Variants in ZNF79 observed in about 807,000 individuals in gnomAD.
ZNF79 encodes ZNFpT7.
In ZNF79, 13 loss-of-function variants were observed where a neutral mutation model predicts 14.9. That is an observed-to-expected ratio of 0.87 (90% CI 0.57 to 1.38). The LOEUF is 1.38. Among genes scored for constraint, ZNF79 ranks in the 40% most tolerant of loss-of-function variants. The probability of loss-of-function intolerance (pLI) is 0.00; values close to 1 mark genes in which losing one functional copy is unlikely to be tolerated. For synonymous variants in ZNF79, 223 were observed against 235.1 expected, an observed-to-expected ratio of 0.95 and a Z score of 0.47; for missense variants, 631 against 630.6, an observed-to-expected ratio of 1.00 and a Z score of -0.01.
At chr9:127,441,674 G>A (rs920373013) in intron 4 of ZNF79, among the ~76,000 whole-genome samples, 14 of 148,830 alleles carry the variant, frequency 9.4e-5, no homozygotes, top group Non-Finnish European at 1.6e-4. Context: ...GGCTGGGTGC[G>A]GTGGCTCATG....
chr9:127,432,866 G>A (rs1833885288), intron 2 of ZNF79, among the ~76,000 whole-genome samples: 1 of 151,974 alleles, frequency 6.6e-6, no homozygotes, highest in African/African-American at 2.4e-5. Flanking sequence ...TTGTTATTTG[G>A]TTCATGACAT....
chr9:127,436,912 AGCTGG>A (rs1833957800), intron 4 of ZNF79, among the ~76,000 whole-genome samples: 1 of 152,126 alleles, frequency 6.6e-6, no homozygotes, highest in Admixed American at 6.6e-5. Flanking sequence ...CAAAAAAATC[AGCTGG>A]GCGTGGTGGC....
At chr9:127,437,262 G>A (rs983590585) in intron 4 of ZNF79, among the ~76,000 whole-genome samples, 6 of 151,778 alleles carry the variant, frequency 4.0e-5, no homozygotes, top group African/African-American at 1.5e-4. Context: ...CTCATGGTGT[G>A]CCTGGCACTA....
chr9:127,432,276 T>C (rs1182479835), intron 2 of ZNF79, among the ~76,000 whole-genome samples: 1 of 151,218 alleles, frequency 6.6e-6, no homozygotes, highest in Non-Finnish European at 1.5e-5. Context: ...GCCTCCCGAG[T>C]AGCTGGGAAT....
chr9:127,429,762 G>A (rs1833826995), intron 2 of ZNF79, among the ~76,000 whole-genome samples: 1 of 151,610 alleles, frequency 6.6e-6, no homozygotes. Context: ...CCCACAAAAA[G>A]ATGGCACCTA....
chr9:127,431,271 T>G (rs1367255317), intron 2 of ZNF79, among the ~76,000 whole-genome samples: 1 of 151,590 alleles, frequency 6.6e-6, no homozygotes, highest in Non-Finnish European at 1.5e-5. Context: ...TTTTTTTTTT[T>G]TTAGAGACAG....
At chr9:127,428,024 AG>A in intron 1 of ZNF79, among the ~76,000 whole-genome samples, 1 of 152,086 alleles carries the variant, frequency 6.6e-6, no homozygotes, top group South Asian at 2.1e-4. Context: ...TCTGTCAACC[AG>A]GCTGCAGTGT....
At chr9:127,434,535 T>A (rs1352867152) in intron 2 of ZNF79, among the ~76,000 whole-genome samples, 1 of 152,176 alleles carries the variant, frequency 6.6e-6, no homozygotes. Context: ...CACGCTCTAT[T>A]TATACATAAA....
Position 127,444,587 on chromosome 9 carries a change from A to G in ZNF79, c.887A>G (p.Gln296Arg). The G allele has an allele frequency of 6.2e-7, 1 of 1,614,118 alleles. No individual in the cohort carries two copies. The highest frequency in any genetic ancestry group is 8.5e-7 in the Non-Finnish European group (1 of 1,180,034). Residue 296 changes from glutamine to arginine, a missense_variant, in exon 5 of 5, where the codon CAG becomes CGG. Physicochemically the swap from Gln to Arg is conservative, Grantham distance 43. Coordinates refer to ENST00000342483, the MANE Select transcript of ZNF79 (RefSeq NM_007135.3). Reference protein sequence around the residue: ...FSDCSALVQHQRIHTGEKPYE... With the variant: ...FSDCSALVQHRRIHTGEKPYE... The stretch of plus-strand genomic sequence containing the variant: ...GACTGCTCAGCTCTTGTTCAGCATC[A>G]GAGAATTCATACCGGAGAGAAGCCC...
intron 2 of ZNF79, among the ~76,000 whole-genome samples, chr9:127,429,248 T>G (rs1212240143): frequency 6.6e-6 from 1 of 152,148 alleles, no homozygotes; most frequent in Non-Finnish European, 1.5e-5. Context: ...GGTCCTGACC[T>G]CAACTGATCT....
In ZNF79 at chr9:127,444,151, T is replaced by G; in HGVS notation, c.451T>G (p.Phe151Val). 1.2e-6 allele frequency: 2 copies of G among 1,613,644 alleles called. No individual in the cohort carries two copies. Among genetic ancestry groups the G allele is most frequent in the Non-Finnish European group, 1.7e-6 (2 of 1,179,986 alleles). The change falls in exon 5 of 5, where the codon TTC becomes GTC. Residue 151 changes from phenylalanine to valine, a missense_variant. Phe to Val is a conservative substitution (Grantham distance 50). Transcript: ENST00000342483. ...DHGTSDLEKSFNLRPVLSPQQ... is the reference protein window; with the variant it reads ...DHGTSDLEKSVNLRPVLSPQQ... ...CGGGACCAGTGACCTTGAGAAGAGC[T>G]TCAATCTGAGACCAGTCCTCTCTCC...
chr9:127,443,622 C>T (rs1834089705), intron 4 of ZNF79, among the ~76,000 whole-genome samples: 1 of 152,152 alleles, frequency 6.6e-6, no homozygotes, highest in Non-Finnish European at 1.5e-5. Flanking sequence ...AAGGAGGTGG[C>T]TGGGCGCGGT....
chr9:127,443,684 G>A (rs1032046091), intron 4 of ZNF79, among the ~76,000 whole-genome samples: 11 of 152,126 alleles, frequency 7.2e-5, no homozygotes, highest in African/African-American at 1.9e-4. Flanking sequence ...GGTGGATCAC[G>A]AGGTCAGGAA....
At chr9:127,431,270 T>C (rs1029273370) in intron 2 of ZNF79, among the ~76,000 whole-genome samples, 2 of 151,548 alleles carry the variant, frequency 1.3e-5, no homozygotes, top group African/African-American at 4.8e-5. Context: ...TTTTTTTTTT[T>C]TTTAGAGACA....
chr9:127,431,882 G>T (rs188371812), intron 2 of ZNF79, among the ~76,000 whole-genome samples: 170 of 152,218 alleles, frequency 1.1e-3, no homozygotes, highest in African/African-American at 3.5e-3. Flanking sequence ...TTGAAGATCA[G>T]GTGGTTAGAG....
chr9:127,439,667 A>G (rs1403102414), intron 4 of ZNF79, among the ~76,000 whole-genome samples: 6 of 152,028 alleles, frequency 3.9e-5, no homozygotes, highest in African/African-American at 1.5e-4. Flanking sequence ...ACTTTCGCAG[A>G]CCCTGCTGGC....
At position 127,428,899 on chromosome 9, in the gene ZNF79, T is replaced by G. The variant is rs778579390; in HGVS notation, c.84T>G (p.Gly28=). The G allele has an allele frequency of 1.5e-5, 24 of 1,602,474 alleles. No homozygotes were observed. Residue 28 remains glycine (G), a synonymous_variant, in exon 2 of 5, where the codon GGT becomes GGG. Coordinates refer to ENST00000342483, the MANE Select transcript of ZNF79 (RefSeq NM_007135.3). ...CAGGAGAGGAAGGAATGGCTGCTGG[T>G]CTCCTCACAGCTGGGCCCCGGGTAA... ...ENTGEEGMAA[G]LLTAGPRGST... is the part of the protein sequence containing the mutation.
intron 4 of ZNF79, among the ~76,000 whole-genome samples, chr9:127,437,347 C>CT (rs397782444): frequency 2.4e-4 from 37 of 151,826 alleles, no homozygotes; most frequent in Non-Finnish European, 2.7e-4. Context: ...GGCCCCCCCC[C>CT]GCTGCCTGGG....
chr9:127,444,981 T>G lies in ZNF79; in HGVS notation c.1281T>G (p.Ser427Arg). 6.2e-7 allele frequency: 1 copy of G among 1,614,132 alleles called. No individual in the cohort carries two copies. Among genetic ancestry groups the G allele is most frequent in the East Asian group, 2.2e-5 (1 of 44,862 alleles). The change falls in exon 5 of 5, where the codon AGT (serine) becomes AGG (arginine). Residue 427 changes from serine to arginine, a missense_variant. Transcript: ENST00000342483. ...YKCNECGKFFSESSALIRHHI... is the reference protein window; with the variant it reads ...YKCNECGKFFRESSALIRHHI... ...GTAATGAATGTGGGAAATTCTTCAGTGAGAGCTCAGCCCTCATTCGGCATC... is the reference window on the plus strand; with the variant it reads ...GTAATGAATGTGGGAAATTCTTCAGGGAGAGCTCAGCCCTCATTCGGCATC...
Sources: gnomAD v4.1 joint callset for allele counts (sites outside exome capture counted in the v4.1 genomes callset) on GRCh38, gnomAD v4.1.1 for gene constraint, MANE v1.5 for transcripts, NCBI Gene and HGNC (gene_info 2026-07-23, HGNC 2026-07-21) for gene names.